The following FAM222B variants were observed in gnomAD, a reference collection of about 807,000 sequenced individuals.
FAM222B encodes family with sequence similarity 222 member B.
Under a neutral mutation model 38.0 loss-of-function variants are expected in FAM222B, and 12 were observed. That is an observed-to-expected ratio of 0.32 (90% CI 0.20 to 0.51). The LOEUF is 0.51. FAM222B is among the 20% of genes least tolerant of loss of function. FAM222B has a pLI of 0.97. For synonymous variants in FAM222B, 329 were observed against 317.2 expected, an observed-to-expected ratio of 1.04 and a Z score of -0.40; for missense variants, 716 against 754.2, an observed-to-expected ratio of 0.95 and a Z score of 0.59.
chr17:28,787,636 C>T (rs2036473284), intron 1 of FAM222B, among the ~76,000 whole-genome samples: 1 of 152,036 alleles, frequency 6.6e-6, no homozygotes, highest in Non-Finnish European at 1.5e-5. Flanking sequence ...ACCTGGCAGA[C>T]CACAACTAGC....
At chr17:28,797,276 A>C (rs747121679) in intron 1 of FAM222B, among the ~76,000 whole-genome samples, 3 of 152,152 alleles carry the variant, frequency 2.0e-5, no homozygotes, top group Non-Finnish European at 2.9e-5. Flanking sequence ...GATTACAGAC[A>C]TGAGCCACAG....
chr17:28,764,325 C>G (rs1254847292), intron 2 of FAM222B, among the ~76,000 whole-genome samples: 3 of 150,118 alleles, frequency 2.0e-5, no homozygotes, highest in Non-Finnish European at 4.4e-5. Context: ...TGCCTGTAAT[C>G]CCACTACTCA....
At chr17:28,764,686 G>A (rs1042216995) in intron 2 of FAM222B, among the ~76,000 whole-genome samples, 17 of 151,976 alleles carry the variant, frequency 1.1e-4, no homozygotes, top group South Asian at 4.1e-4. Flanking sequence ...GGCGGAGGTT[G>A]CGTTGAGCCG....
intron 1 of FAM222B, among the ~76,000 whole-genome samples, chr17:28,799,322 G>A (rs549967586): frequency 2.4e-4 from 30 of 124,626 alleles, no homozygotes; most frequent in African/African-American, 8.3e-4. Flanking sequence ...TTTTGAGACC[G>A]AGTCTCGGTC....
chr17:28,837,798 G>T (rs1220147928), intron 1 of FAM222B, among the ~76,000 whole-genome samples: 1 of 151,952 alleles, frequency 6.6e-6, no homozygotes, highest in African/African-American at 2.4e-5. Flanking sequence ...GATTACAGGC[G>T]GGTGCCACCA....
At chr17:28,809,179 T>C (rs529356597) in intron 1 of FAM222B, among the ~76,000 whole-genome samples, 3 of 152,190 alleles carry the variant, frequency 2.0e-5, no homozygotes, top group African/African-American at 2.4e-5. Flanking sequence ...GGTGAAACCC[T>C]GTCTCTACTG....
Position 28,758,433 on chromosome 17 carries a change from C to A in FAM222B, c.1526G>T (p.Ser509Ile), listed in dbSNP as rs751791753. Residue 509 changes from serine to isoleucine, a missense_variant, in exon 3 of 3, where the codon AGC becomes ATC. Physicochemically the swap from Ser to Ile is moderately radical, Grantham distance 142 (BLOSUM62 -2). Coordinates refer to ENST00000581407, the MANE Select transcript of FAM222B (RefSeq NM_001077498.3). ...TGGGPVASQNSLMQTVDYLSG... is the reference protein window; with the variant it reads ...TGGGPVASQNILMQTVDYLSG... ...TAGGTAATCCACTGTTTGCATCAAG[C>A]TGTTCTGGCTTGCCACTGGACCGCC... 11 of 1,613,846 alleles carry A rather than the reference C, an allele frequency of 6.8e-6. No individual in the cohort carries two copies. Among genetic ancestry groups the A allele is most frequent in the Non-Finnish European group, 9.3e-6 (11 of 1,179,824 alleles).
intron 1 of FAM222B, among the ~76,000 whole-genome samples, chr17:28,814,450 GC>G (rs1316313851): frequency 6.6e-6 from 1 of 152,062 alleles, no homozygotes; most frequent in Non-Finnish European, 1.5e-5. Context: ...TGTATGACAT[GC>G]CTGTTTTTAT....
At chr17:28,771,685 T>A (rs2035641873) in intron 1 of FAM222B, among the ~76,000 whole-genome samples, 2 of 152,026 alleles carry the variant, frequency 1.3e-5, no homozygotes, top group South Asian at 4.2e-4. Context: ...CGTCTTAACA[T>A]GAAAAACATG....
intron 2 of FAM222B, among the ~76,000 whole-genome samples, chr17:28,764,834 C>T (rs1436143206): frequency 1.3e-5 from 2 of 151,996 alleles, no homozygotes; most frequent in African/African-American, 2.4e-5. Context: ...ATGGCTTTTC[C>T]CTTGATATCA....
At chr17:28,821,893 G>A (rs993224646) in intron 1 of FAM222B, among the ~76,000 whole-genome samples, 1 of 151,880 alleles carries the variant, frequency 6.6e-6, no homozygotes, top group African/African-American at 2.4e-5. Context: ...ACCTGGGGCT[G>A]GGCAGAGGTT....
At chr17:28,798,626 G>C (rs1043314314) in intron 1 of FAM222B, among the ~76,000 whole-genome samples, 5 of 146,084 alleles carry the variant, frequency 3.4e-5, no homozygotes, top group Non-Finnish European at 7.5e-5. Context: ...TAATACTTAG[G>C]CACTTGCACC....
At chr17:28,813,618 C>T (rs905060026) in intron 1 of FAM222B, among the ~76,000 whole-genome samples, 5 of 151,880 alleles carry the variant, frequency 3.3e-5, no homozygotes, top group Non-Finnish European at 7.4e-5. Context: ...GCTCCGCCTC[C>T]CAGGTTCATG....
chr17:28,841,560 G>C (rs766131457), intron 1 of FAM222B, among the ~76,000 whole-genome samples: 1 of 152,158 alleles, frequency 6.6e-6, no homozygotes, highest in East Asian at 1.9e-4. Context: ...ATTTTTAGTA[G>C]AGACGGGATT....
chr17:28,841,451 C>T (rs1332794544), intron 1 of FAM222B, among the ~76,000 whole-genome samples: 1 of 152,118 alleles, frequency 6.6e-6, no homozygotes, highest in Admixed American at 6.6e-5. Flanking sequence ...CTCGGCTCAC[C>T]GCAACCTCTG....
chr17:28,758,354 G>C lies in FAM222B; in HGVS notation c.1605C>G (p.Ser535Arg). 6.2e-7 allele frequency: 1 copy of C among 1,613,592 alleles called. No individual in the cohort carries two copies. Among genetic ancestry groups the C allele is most frequent in the East Asian group, 2.2e-5 (1 of 44,856 alleles). ...GGTTGCCAGGGGCTCGGTGGGCCTTGCTCAGCATGGCCAGGCTCTGTTCTC... is the reference window on the plus strand; with the variant it reads ...GGTTGCCAGGGGCTCGGTGGGCCTTCCTCAGCATGGCCAGGCTCTGTTCTC... The part of the protein sequence containing the change: ...CFREQSLAML[S>R]KAHRAPGNRA... Residue 535 changes from serine (S) to arginine (R), a missense_variant, in exon 3 of 3, where the codon AGC (serine) becomes AGG (arginine). Physicochemically the swap from Ser to Arg is moderately radical, Grantham distance 110 (BLOSUM62 -1). Coordinates refer to ENST00000581407, the MANE Select transcript of FAM222B (RefSeq NM_001077498.3).
chr17:28,807,150 G>C (rs904803347), intron 1 of FAM222B, among the ~76,000 whole-genome samples: 6 of 151,580 alleles, frequency 4.0e-5, no homozygotes, highest in African/African-American at 1.5e-4. Context: ...CAAGTAGCTG[G>C]GATTATAGGC....
chr17:28,811,438 C>CA (rs1290649133), intron 1 of FAM222B, among the ~76,000 whole-genome samples: 1 of 151,856 alleles, frequency 6.6e-6, no homozygotes, highest in Non-Finnish European at 1.5e-5. Flanking sequence ...AGACTCGTCT[C>CA]AAAAAACAAA....
intron 2 of FAM222B, among the ~76,000 whole-genome samples, chr17:28,764,168 A>G (rs2035216369): frequency 6.6e-6 from 1 of 151,032 alleles, no homozygotes; most frequent in African/African-American, 2.4e-5. Flanking sequence ...GCTACTCGAG[A>G]GACTAAGGCA....
Sources: gnomAD v4.1 joint callset for allele counts (sites outside exome capture counted in the v4.1 genomes callset) on GRCh38, gnomAD v4.1.1 for gene constraint, MANE v1.5 for transcripts, NCBI Gene and HGNC (gene_info 2026-07-23, HGNC 2026-07-21) for gene names.